Variants in RBFOX3 observed in about 807,000 individuals in gnomAD.
RBFOX3 encodes RNA binding fox-1 homolog 3, also known as RNA binding protein fox-1 homolog 3.
A neutral mutation model predicts 48.7 loss-of-function variants in RBFOX3; 17 were observed. The observed-to-expected ratio is 0.35, with a 90% CI of 0.24 to 0.52. The LOEUF (loss-of-function observed/expected upper bound fraction) is 0.52. Among genes scored for constraint, RBFOX3 ranks in the 20% least tolerant of loss-of-function variants. RBFOX3 has a pLI of 0.94. For synonymous variants in RBFOX3, 212 were observed against 209.5 expected (o/e 1.01, Z -0.10); for missense variants, 382 against 497.5 (o/e 0.77, Z 2.21).
intron 3 of RBFOX3, among the ~76,000 whole-genome samples, chr17:79,276,553 T>A (rs560146537): frequency 6.6e-6 from 1 of 151,870 alleles, no homozygotes; most frequent in Non-Finnish European, 1.5e-5. Context: ...GGTCTGGTGG[T>A]GGGCGCCTGT....
At chr17:79,255,214 C>CGTGT (rs2064581405) in intron 3 of RBFOX3, among the ~76,000 whole-genome samples, 2 of 127,080 alleles carry the variant, frequency 1.6e-5, no homozygotes, top group Non-Finnish European at 3.4e-5. Context: ...CCTGTGGTCA[C>CGTGT]ATGTGTGCGT....
At chr17:79,659,349 G>A in the RBFOX3 span, among the ~76,000 whole-genome samples, 13 of 152,160 alleles carry the variant, frequency 8.5e-5, no homozygotes, top group Non-Finnish European at 1.9e-4. Context: ...TGGGTCAAGC[G>A]GCCTGTTGTG....
chr17:79,339,411 C>A (rs1598315707), intron 2 of RBFOX3, among the ~76,000 whole-genome samples: 1 of 152,152 alleles, frequency 6.6e-6, no homozygotes, highest in African/African-American at 2.4e-5. Context: ...GTGAGAATTA[C>A]CCATCGCCTA....
chr17:79,262,397 C>T (rs1003697109), intron 3 of RBFOX3, among the ~76,000 whole-genome samples: 1 of 152,244 alleles, frequency 6.6e-6, no homozygotes, highest in Non-Finnish European at 1.5e-5. Flanking sequence ...GGACACGGTC[C>T]CTCTCCTTGG....
At chr17:79,129,040 A>C (rs1252280660) in intron 4 of RBFOX3, among the ~76,000 whole-genome samples, 1 of 152,048 alleles carries the variant, frequency 6.6e-6, no homozygotes, top group South Asian at 2.1e-4. Flanking sequence ...CGAGACCCTG[A>C]GCACAAGTGC....
intron 2 of RBFOX3, among the ~76,000 whole-genome samples, chr17:79,346,337 T>C (rs1036047393): frequency 4.6e-5 from 7 of 152,224 alleles, no homozygotes; most frequent in Non-Finnish European, 7.3e-5. Context: ...TACACAATTT[T>C]TTTTTCCAGC....
intron 4 of RBFOX3, among the ~76,000 whole-genome samples, chr17:79,166,360 G>C (rs2048015643): frequency 1.3e-5 from 2 of 152,216 alleles, no homozygotes; most frequent in Admixed American, 6.5e-5. Context: ...GCCGCCCCGG[G>C]CTCCAACTCA....
chr17:79,384,730 C>T (rs886721302), intron 2 of RBFOX3, among the ~76,000 whole-genome samples: 18 of 152,222 alleles, frequency 1.2e-4, no homozygotes, highest in Admixed American at 2.0e-4. Flanking sequence ...AGCGCTGACC[C>T]AGCTGGCGGG....
At position 79,130,548 on chromosome 17, in the gene RBFOX3, CA is replaced by C. The variant is rs376308091; in HGVS notation, c.-33-14801del. 3.8e-3 allele frequency among the ~76,000 whole-genome samples: 583 copies of C among 152,382 alleles called. 3 individuals carry two copies. The highest frequency in any genetic ancestry group is 0.013 in the African/African-American group (557 of 41,592). On this transcript the variant is annotated intron_variant, in intron 4 of 14. Coordinates refer to ENST00000693108, the MANE Select transcript of RBFOX3 (RefSeq NM_001350451.2). ...TCTTTCTCTCCTTTGCTCAGGTCCA[CA>C]GCTTCTCATTTCCCCCTAGGGCCTC... is the stretch of plus-strand genomic sequence containing the variant.
intron 2 of RBFOX3, among the ~76,000 whole-genome samples, chr17:79,370,917 C>G (rs2058447029): frequency 6.6e-6 from 1 of 152,244 alleles, no homozygotes; most frequent in South Asian, 2.1e-4. Context: ...AACCAGTGCC[C>G]CCATGTGGGG....
At chr17:79,125,380 G>C (rs953614969) in intron 4 of RBFOX3, among the ~76,000 whole-genome samples, 1 of 152,206 alleles carries the variant, frequency 6.6e-6, no homozygotes, top group Non-Finnish European at 1.5e-5. Flanking sequence ...AGGCAGGGCC[G>C]GGCAGAAGCA....
At position 79,106,536 on chromosome 17, in the gene RBFOX3, T is replaced by C. The variant is rs966600840; in HGVS notation, c.360+115A>G. ...GGGGCCCCGGAGGCTCCCTGCGCAGTGGGAGGCAGGAAACCCGGGGGAACA... is the reference window on the plus strand; with the variant it reads ...GGGGCCCCGGAGGCTCCCTGCGCAGCGGGAGGCAGGAAACCCGGGGGAACA... On this transcript the variant is annotated intron_variant, in intron 6 of 14. Coordinates refer to ENST00000693108, the MANE Select transcript of RBFOX3 (RefSeq NM_001350451.2). 4.4e-5 allele frequency: 57 copies of C among 1,296,942 alleles called. No homozygotes were observed. In the African/African-American group the frequency reaches 6.7e-4, roughly 15 times the overall value. 80.3% of individuals were successfully genotyped at this position (1,296,942 alleles called of 1,614,324 possible).
At chr17:79,531,957 G>A (rs2150089646) in intron 1 of RBFOX3, among the ~76,000 whole-genome samples, 1 of 152,334 alleles carries the variant, frequency 6.6e-6, no homozygotes, top group Admixed American at 6.5e-5. Flanking sequence ...CCCTGCAAGA[G>A]GGGCCAGCTG....
intron 1 of RBFOX3, among the ~76,000 whole-genome samples, chr17:79,520,001 C>CCTT (rs1242592595): frequency 0.046 from 7,041 of 152,262 alleles, 305 homozygotes; most frequent in African/African-American, 0.12. Flanking sequence ...AGTTCTGAGT[C>CCTT]CTAGCAACCC....
chr17:79,328,659 C>T (rs1365369023), intron 2 of RBFOX3, among the ~76,000 whole-genome samples: 1 of 152,192 alleles, frequency 6.6e-6, no homozygotes, highest in African/African-American at 2.4e-5. Flanking sequence ...TGACAAGACC[C>T]TCATGTTCCC....
At chr17:79,553,710 G>A (rs1166041728) in intron 1 of RBFOX3, among the ~76,000 whole-genome samples, 4 of 151,960 alleles carry the variant, frequency 2.6e-5, no homozygotes, top group African/African-American at 9.6e-5. Context: ...GGGTTTTCTT[G>A]GGGTTTTTTT....
At chr17:79,550,947 A>G (rs2091086412) in intron 1 of RBFOX3, among the ~76,000 whole-genome samples, 1 of 152,254 alleles carries the variant, frequency 6.6e-6, no homozygotes, top group Non-Finnish European at 1.5e-5. Flanking sequence ...ATCCAATAGA[A>G]CTTTCTGTGA....
intron 2 of RBFOX3, among the ~76,000 whole-genome samples, chr17:79,309,853 G>A (rs140704401): frequency 2.7e-4 from 41 of 152,180 alleles, no homozygotes; most frequent in South Asian, 1.5e-3. Context: ...CTTCCCCTTC[G>A]CCTTCCGCCA....
chr17:79,515,222 C>A (rs1462879052), intron 1 of RBFOX3, among the ~76,000 whole-genome samples: 1 of 152,212 alleles, frequency 6.6e-6, no homozygotes, highest in Admixed American at 6.5e-5. Context: ...CAGAGCCCTG[C>A]TCTGGTGAAG....
Sources: gnomAD v4.1 joint callset for allele counts (sites outside exome capture counted in the v4.1 genomes callset) on GRCh38, gnomAD v4.1.1 for gene constraint, MANE v1.5 for transcripts, NCBI Gene and HGNC (gene_info 2026-07-23, HGNC 2026-07-21) for gene names.